DYNC2I1: variants seen among roughly 807,000 people sequenced by gnomAD.
The protein encoded by DYNC2I1 is dynein 2 intermediate chain 1, also known as cytoplasmic dynein 2 intermediate chain 1.
Under a neutral mutation model 133.4 loss-of-function variants are expected in DYNC2I1, and 89 were observed. The observed-to-expected ratio is 0.67, with a 90% CI of 0.56 to 0.80. The LOEUF is 0.80. Among genes scored for constraint, DYNC2I1 ranks in the 30% least tolerant of loss-of-function variants. DYNC2I1 has a pLI of 0.00. For missense variants in DYNC2I1, 1,291 were observed against 1,314.5 expected (o/e 0.98, Z 0.28); for synonymous variants, 504 against 484.3 (o/e 1.04, Z -0.54).
intron 15 of DYNC2I1, among the ~76,000 whole-genome samples, chr7:158,919,112 T>A (rs10223983): frequency 0.17 from 26,470 of 152,124 alleles, 2,547 homozygotes; most frequent in African/African-American, 0.24. Flanking sequence ...AATTTAAACA[T>A]GTGAGATTGT....
intron 8 of DYNC2I1, among the ~76,000 whole-genome samples, chr7:158,896,116 G>T (rs950697061): frequency 2.6e-5 from 4 of 152,008 alleles, no homozygotes; most frequent in African/African-American, 9.7e-5. Flanking sequence ...TCATTAGTTA[G>T]AACTTCCAGC....
At chr7:158,925,062 T>C (rs942790399) in intron 17 of DYNC2I1, among the ~76,000 whole-genome samples, 1 of 152,188 alleles carries the variant, frequency 6.6e-6, no homozygotes, top group Admixed American at 6.5e-5. Context: ...GGCCTTGTCT[T>C]TGAAATATTA....
At chr7:158,900,068 C>A (rs7792403) in intron 8 of DYNC2I1, among the ~76,000 whole-genome samples, 1 of 150,590 alleles carries the variant, frequency 6.6e-6, no homozygotes, top group African/African-American at 2.4e-5. Flanking sequence ...AAACATTTCT[C>A]TATGCTGTCT....
rs189869032 is a variant in DYNC2I1, at chr7:158,863,391, C to A, written c.16-6464C>A. Among the ~76,000 whole-genome samples the A allele has an allele frequency of 4.4e-3, 676 of 152,132 alleles. 3 individuals carry two copies. Among genetic ancestry groups the A allele is most frequent in the African/African-American group, 0.015 (643 of 41,500 alleles). ...CTGGACAGAAAAGTTCTCCAAGTCC[C>A]CACCCACCCAGAAGCCCAGGAGGCT... On this transcript the variant is annotated intron_variant, in intron 1 of 24. Coordinates refer to ENST00000407559, the MANE Select transcript of DYNC2I1 (RefSeq NM_018051.5).
chr7:158,914,171 T>A lies in DYNC2I1; in HGVS notation c.1703-62T>A. On this transcript the variant is annotated intron_variant, in intron 13 of 24. Transcript: ENST00000407559. ...GTTAGGCCTGTTTGAACTCTTAAGA[T>A]GTGTAATGCATGATTATTTTAGAGT... The A allele has an allele frequency of 2.9e-6, 4 of 1,361,148 alleles. No individual in the cohort carries two copies. The African/African-American group carries it at 4.3e-5, about 15-fold the overall frequency. The allele number at this position is 1,361,148 out of a possible 1,614,324, so 84.3% of individuals were successfully genotyped here.
chr7:158,884,184 A>G (rs894623995), intron 5 of DYNC2I1, among the ~76,000 whole-genome samples: 5 of 151,302 alleles, frequency 3.3e-5, no homozygotes, highest in African/African-American at 9.7e-5. Context: ...AGCTGGGACT[A>G]CAGGCGCCCG....
rs147763456 is a variant in DYNC2I1 at position 158,863,274 on chromosome 7, G to A, written c.15+6524G>A. On this transcript the variant is annotated intron_variant, in intron 1 of 24. Transcript: ENST00000407559. ...ACAAACCTTTAGCTAGACGCAGAGC[G>A]CTGATTGGTCCGTTTTTACAGAGTG... Among the ~76,000 whole-genome samples, 869 of 152,056 alleles carry A rather than the reference G, an allele frequency of 5.7e-3. 8 individuals are homozygous for A. Among genetic ancestry groups the A allele is most frequent in the Middle Eastern group, 0.024 (7 of 292 alleles).
rs981143364 is a variant in DYNC2I1, at chr7:158,945,311, C to T, written c.3003-270C>T. 6.6e-6 allele frequency among the ~76,000 whole-genome samples: 1 copy of T among 152,158 alleles called. No individual in the cohort carries two copies. The highest frequency in any genetic ancestry group is 2.4e-5 in the African/African-American group (1 of 41,438). Reference sequence around the variant, plus strand: ...GATGGCCCCCACCTTCTCCAGGGACCTGCTGGGGGCTACTGACTCCCGGCC... The same window carrying T: ...GATGGCCCCCACCTTCTCCAGGGACTTGCTGGGGGCTACTGACTCCCGGCC... On this transcript the variant is annotated intron_variant, in intron 24 of 24. Transcript: ENST00000407559. The surrounding 1 kb of genome is among the most constrained non-coding windows in gnomAD (Gnocchi z 4.1).
At chr7:158,871,107 C>T (rs372146413) in intron 2 of DYNC2I1, 35 bp from the exon 3 acceptor site, 16 of 1,573,610 alleles carry the variant, frequency 1.0e-5, no homozygotes, top group Admixed American at 1.9e-5. Flanking sequence ...ATCTGCCTTC[C>T]TGGTCACGGA....
chr7:158,886,743 A>G (rs1844646090), intron 6 of DYNC2I1, among the ~76,000 whole-genome samples: 2 of 152,134 alleles, frequency 1.3e-5, no homozygotes, highest in Non-Finnish European at 1.5e-5. Flanking sequence ...AGCTGAGACT[A>G]CAGGCATGTG....
intron 24 of DYNC2I1, among the ~76,000 whole-genome samples, chr7:158,942,845 A>G (rs1390536239): frequency 1.3e-5 from 2 of 152,186 alleles, no homozygotes; most frequent in African/African-American, 4.8e-5. Flanking sequence ...AGTTCACGTG[A>G]TGTCACTGAT....
chr7:158,940,698 A>G (rs1399459427), intron 23 of DYNC2I1, among the ~76,000 whole-genome samples: 3 of 152,178 alleles, frequency 2.0e-5, no homozygotes, highest in Admixed American at 2.0e-4. Context: ...AAAATACACA[A>G]ACACATGGAA....
chr7:158,920,145 A>G (rs1259917467), intron 15 of DYNC2I1, among the ~76,000 whole-genome samples: 23 of 112,858 alleles, frequency 2.0e-4, no homozygotes, highest in East Asian at 2.9e-4. Flanking sequence ...GGCCTCCGTC[A>G]GAGAACATGT....
chr7:158,917,282 T>C (rs35143397), intron 14 of DYNC2I1, among the ~76,000 whole-genome samples: 31 of 105,398 alleles, frequency 2.9e-4, no homozygotes, highest in South Asian at 2.2e-3. Flanking sequence ...AACGTCGACA[T>C]GCTGGTTGAA....
chr7:158,926,065 A>T, intron 17 of DYNC2I1, 122 bp from the exon 18 acceptor site: 1 of 733,952 alleles, frequency 1.4e-6, no homozygotes, highest in Middle Eastern at 2.6e-4. Context: ...TTTTGGGAAG[A>T]TGTGTGGAGA....
At chr7:158,907,088 C>T (rs1295988741) in intron 11 of DYNC2I1, among the ~76,000 whole-genome samples, 1 of 151,690 alleles carries the variant, frequency 6.6e-6, no homozygotes, top group East Asian at 1.9e-4. Context: ...GCACTCCAGC[C>T]TTGAGGCTGC....
At chr7:158,869,655 A>G (rs1399522575) in intron 1 of DYNC2I1, among the ~76,000 whole-genome samples, 200 bp from the exon 2 acceptor site, 1 of 152,240 alleles carries the variant, frequency 6.6e-6, no homozygotes, top group African/African-American at 2.4e-5. Flanking sequence ...ACATTTTATA[A>G]TAATGTGTCA....
intron 21 of DYNC2I1, among the ~76,000 whole-genome samples, chr7:158,931,544 C>T (rs182103017): frequency 8.5e-4 from 130 of 152,300 alleles, no homozygotes; most frequent in African/African-American, 2.8e-3. Context: ...AGTTTCTTTA[C>T]GACTTTTTAT....
intron 11 of DYNC2I1, among the ~76,000 whole-genome samples, chr7:158,907,577 CTTTCCG>C (rs1390533623): frequency 5.9e-5 from 9 of 151,428 alleles, no homozygotes; most frequent in Non-Finnish European, 1.3e-4. Context: ...TTCCCTTTCC[CTTTCCG>C]TTCCCTTTCC....
Sources: gnomAD v4.1 joint callset for allele counts (sites outside exome capture counted in the v4.1 genomes callset) on GRCh38, gnomAD v4.1.1 for gene constraint, Gnocchi (gnomAD v3.1) non-coding constraint, MANE v1.5 for transcripts, NCBI Gene and HGNC (gene_info 2026-07-23, HGNC 2026-07-21) for gene names.